ACYP2: variants seen among roughly 807,000 people sequenced by gnomAD.
The protein encoded by ACYP2 is acylphosphatase-2.
Under a neutral mutation model 11.2 loss-of-function variants are expected in ACYP2, and 12 were observed. The ratio of observed to expected loss-of-function variants is 1.08; its 90% CI spans 0.69 to 1.74. The LOEUF (loss-of-function observed/expected upper bound fraction) is 1.74. Ranked by LOEUF, ACYP2 falls within the 40% of genes most tolerant of loss-of-function variation. ACYP2 has a pLI of 0.00. For missense variants in ACYP2, 134 were observed against 101.9 expected (o/e 1.31, Z -1.35); for synonymous variants, 43 against 32.2 (o/e 1.33, Z -1.13).
At chr2:54,272,332 G>T (rs1027180710) in intron 6 of ACYP2, among the ~76,000 whole-genome samples, 1 of 152,182 alleles carries the variant, frequency 6.6e-6, no homozygotes, top group Non-Finnish European at 1.5e-5. Context: ...CTCTACCCAG[G>T]AGCTGCATTG....
chr2:54,041,597 G>T (rs1196565848), intron 2 of ACYP2, among the ~76,000 whole-genome samples: 3 of 152,160 alleles, frequency 2.0e-5, no homozygotes, highest in Non-Finnish European at 4.4e-5. Flanking sequence ...AGTTGCATTT[G>T]GCTGCACAGG....
At chr2:54,117,941 T>G (rs2103733893) in intron 4 of ACYP2, among the ~76,000 whole-genome samples, 1 of 152,244 alleles carries the variant, frequency 6.6e-6, no homozygotes, top group East Asian at 1.9e-4. Context: ...CCCCCCTGAC[T>G]CCCCAGAATC....
chr2:54,146,947 A>G (rs945486947), intron 6 of ACYP2, among the ~76,000 whole-genome samples: 5 of 151,700 alleles, frequency 3.3e-5, no homozygotes, highest in Non-Finnish European at 7.4e-5. Flanking sequence ...GGCATCCACC[A>G]CCACACCCAG....
At chr2:54,167,838 C>A (rs1379931173) in intron 6 of ACYP2, among the ~76,000 whole-genome samples, 1 of 151,936 alleles carries the variant, frequency 6.6e-6, no homozygotes, top group African/African-American at 2.4e-5. Context: ...GAGAGAATGG[C>A]TAATTGTTTA....
chr2:54,291,118 C>A (rs768627737), intron 6 of ACYP2, among the ~76,000 whole-genome samples: 1 of 152,178 alleles, frequency 6.6e-6, no homozygotes, highest in Non-Finnish European at 1.5e-5. Flanking sequence ...TGCTGAGGTC[C>A]CCAAAGCACT....
chr2:54,220,564 T>C (rs1299684690), intron 6 of ACYP2, among the ~76,000 whole-genome samples: 1 of 152,214 alleles, frequency 6.6e-6, no homozygotes, highest in African/African-American at 2.4e-5. Flanking sequence ...GTAAATCTCA[T>C]CAAATAGTAA....
intron 2 of ACYP2, among the ~76,000 whole-genome samples, chr2:53,992,969 G>A (rs1386075506): frequency 6.6e-6 from 1 of 152,136 alleles, no homozygotes; most frequent in Non-Finnish European, 1.5e-5. Flanking sequence ...ACTTTGGGAG[G>A]TCAAGGCAGA....
chr2:54,074,167 C>T (rs886200221), intron 4 of ACYP2, among the ~76,000 whole-genome samples: 5 of 152,140 alleles, frequency 3.3e-5, no homozygotes, highest in African/African-American at 7.2e-5. Flanking sequence ...TAGTGAGACC[C>T]CCATTTCTAC....
chr2:53,979,395 G>A (rs778032696), intron 2 of ACYP2, among the ~76,000 whole-genome samples: 5 of 152,038 alleles, frequency 3.3e-5, no homozygotes, highest in African/African-American at 9.7e-5. Flanking sequence ...TTGGGAGGCC[G>A]AGGAGGGCAG....
At chr2:54,037,667 C>T (rs572098061) in intron 2 of ACYP2, among the ~76,000 whole-genome samples, 1 of 152,176 alleles carries the variant, frequency 6.6e-6, no homozygotes, top group African/African-American at 2.4e-5. Flanking sequence ...CTCACCCTCC[C>T]AAAGTGCTGG....
At chr2:54,061,614 A>G (rs968154135) in intron 4 of ACYP2, among the ~76,000 whole-genome samples, 17 of 152,348 alleles carry the variant, frequency 1.1e-4, no homozygotes, top group Admixed American at 5.9e-4. Flanking sequence ...ATGGGAGCCT[A>G]TTGGTTAGTT....
chr2:54,267,053 T>C (rs13424638), intron 6 of ACYP2, among the ~76,000 whole-genome samples: 28,809 of 152,208 alleles, frequency 0.19, 2,795 homozygotes, highest in African/African-American at 0.24. Flanking sequence ...AAAAGAGGGT[T>C]AGTAATTCTT....
rs375062625 is a variant in ACYP2, at chr2:54,035,656, C to T, written c.63-15302C>T. On this transcript the variant is annotated intron_variant, in intron 2 of 6. Coordinates refer to ENST00000607452, the MANE Select transcript of ACYP2 (RefSeq NM_001320586.2). Reference sequence around the variant, plus strand: ...CCATCTACATGATCACAGTTTGACCCATTTGTGACAAATTTCAGACAATTC... The same window carrying T: ...CCATCTACATGATCACAGTTTGACCTATTTGTGACAAATTTCAGACAATTC... Among the ~76,000 whole-genome samples, 44 of 152,216 alleles carry T rather than the reference C, an allele frequency of 2.9e-4. 1 individual carries two copies. The highest frequency in any genetic ancestry group is 9.9e-4 in the African/African-American group (41 of 41,542).
At chr2:54,237,245 A>G (rs1475582953) in intron 6 of ACYP2, among the ~76,000 whole-genome samples, 7 of 152,212 alleles carry the variant, frequency 4.6e-5, no homozygotes. Context: ...TTTGTCTGAT[A>G]TAAATATAGC....
intron 2 of ACYP2, among the ~76,000 whole-genome samples, chr2:54,036,048 G>C (rs1033161991): frequency 4.6e-5 from 7 of 152,184 alleles, no homozygotes; most frequent in African/African-American, 1.4e-4. Context: ...TCCAAGCTTA[G>C]AGTAGGGGAA....
At chr2:54,195,655 A>C (rs1684437373) in intron 6 of ACYP2, among the ~76,000 whole-genome samples, 1 of 114,514 alleles carries the variant, frequency 8.7e-6, no homozygotes, top group Non-Finnish European at 2.0e-5. Flanking sequence ...AAAAAAACAA[A>C]ACACTGTACT....
chr2:54,137,013 T>G (rs1279425442), intron 5 of ACYP2, among the ~76,000 whole-genome samples: 3 of 152,128 alleles, frequency 2.0e-5, no homozygotes, highest in African/African-American at 7.2e-5. Flanking sequence ...ACTGGATCAA[T>G]AGAAATTTTA....
At chr2:54,059,107 G>A (rs984229080) in intron 4 of ACYP2, among the ~76,000 whole-genome samples, 3 of 152,162 alleles carry the variant, frequency 2.0e-5, no homozygotes, top group African/African-American at 2.4e-5. Flanking sequence ...TGAGGGGTTT[G>A]TCCAAGATGG....
chr2:54,232,842 C>T (rs944040533), intron 6 of ACYP2, among the ~76,000 whole-genome samples: 1 of 152,102 alleles, frequency 6.6e-6, no homozygotes, highest in African/African-American at 2.4e-5. Flanking sequence ...AGGGGGAAAT[C>T]CGCCCCCAAG....
Sources: gnomAD v4.1 joint callset for allele counts (sites outside exome capture counted in the v4.1 genomes callset) on GRCh38, gnomAD v4.1.1 for gene constraint, MANE v1.5 for transcripts, NCBI Gene and HGNC (gene_info 2026-07-23, HGNC 2026-07-21) for gene names.